The following ZNF346 variants were observed in gnomAD, a reference collection of about 807,000 sequenced individuals.
ZNF346 encodes the protein zinc finger protein 346, also known as double-stranded RNA-binding zinc finger protein JAZ.
ZNF346 carries 23 observed loss-of-function variants against 33.7 expected under a neutral mutation model. That is an observed-to-expected ratio of 0.68 (90% CI 0.49 to 0.97). The LOEUF is 0.97. Ranked by LOEUF, ZNF346 falls within the 50% of genes least tolerant of loss-of-function variation. ZNF346 has a pLI of 0.00. For missense variants in ZNF346, 340 were observed against 371.1 expected (o/e 0.92, Z 0.69); for synonymous variants, 134 against 142.4 (o/e 0.94, Z 0.42).
intron 8 of ZNF346, among the ~76,000 whole-genome samples, chr5:177,075,079 A>G (rs1348644283): frequency 1.3e-5 from 2 of 151,670 alleles, no homozygotes; most frequent in African/African-American, 4.8e-5. Flanking sequence ...CAAAAAAAAA[A>G]GAATTTTTTT....
downstream of ZNF346, among the ~76,000 whole-genome samples, chr5:177,071,256 C>G (rs918868161): frequency 6.6e-6 from 1 of 151,976 alleles, no homozygotes; most frequent in Non-Finnish European, 1.5e-5. Context: ...GAGCCCTAAG[C>G]CAGGTGTGGT....
intron 4 of ZNF346, among the ~76,000 whole-genome samples, chr5:177,046,256 G>A (rs1005216940): frequency 1.0e-4 from 15 of 146,490 alleles, no homozygotes; most frequent in Admixed American, 8.4e-4. Flanking sequence ...AGCTGAGATC[G>A]CACCATTGTA....
chr5:177,080,336 A>C (rs954340669), exon 9 of ZNF346: 2 of 152,346 alleles, frequency 1.3e-5, no homozygotes, highest in Middle Eastern at 6.8e-3. Context: ...ATAGCTGCAA[A>C]TATTCATATT....
At chr5:177,048,392 C>T (rs942157255) in intron 4 of ZNF346, among the ~76,000 whole-genome samples, 3 of 152,138 alleles carry the variant, frequency 2.0e-5, no homozygotes, top group African/African-American at 7.2e-5. Context: ...GAGGCTGAGG[C>T]GGGTGGATCA....
rs144616364 is a variant in ZNF346 at position 177,030,650 on chromosome 5, T to A, written c.175+7737T>A. ...AGCTTTATTGACGTAAATCTCACAT[T>A]CCATAAAATTCACCTGTTTAAAATG... On this transcript the variant is annotated intron_variant, in intron 1 of 6. Coordinates refer to ENST00000358149, the MANE Select transcript of ZNF346 (RefSeq NM_012279.4). 1.9e-3 allele frequency among the ~76,000 whole-genome samples: 282 copies of A among 152,052 alleles called. 2 individuals are homozygous for A. The highest frequency in any genetic ancestry group is 6.4e-3 in the African/African-American group (267 of 41,530).
chr5:177,055,056 C>CA, intron 5 of ZNF346, among the ~76,000 whole-genome samples: 1 of 135,966 alleles, frequency 7.4e-6, no homozygotes, highest in African/African-American at 2.8e-5. Context: ...TTTTTTGAGA[C>CA]AGAGTCTCAT....
At chr5:177,064,252 G>C (rs988581912) in intron 6 of ZNF346, among the ~76,000 whole-genome samples, 1 of 152,156 alleles carries the variant, frequency 6.6e-6, no homozygotes, top group Non-Finnish European at 1.5e-5. Context: ...AACATACTTC[G>C]GGCCAGCCAC....
At chr5:177,079,218 G>C (rs1783888347) in intron 8 of ZNF346, among the ~76,000 whole-genome samples, 1 of 151,544 alleles carries the variant, frequency 6.6e-6, no homozygotes, top group African/African-American at 2.4e-5. Flanking sequence ...GTTGCAGCGA[G>C]CCAAGATCAT....
rs77363291 is a variant in ZNF346, at chr5:177,039,877, G to A, written c.176-1249G>A. 5.3e-4 allele frequency among the ~76,000 whole-genome samples: 81 copies of A among 152,214 alleles called. No homozygotes were observed. In the East Asian group the frequency reaches 0.014, roughly 27 times the overall value. The stretch of plus-strand genomic sequence containing the variant: ...TCTGCCTCTGCCTCACATTGCCAGC[G>A]CCATGATAGAACTCATGCCTTGGCC... On this transcript the variant is annotated intron_variant, in intron 1 of 6. Coordinates refer to ENST00000358149, the MANE Select transcript of ZNF346 (RefSeq NM_012279.4).
chr5:177,054,287 T>G (rs1421380013), intron 5 of ZNF346, among the ~76,000 whole-genome samples: 1 of 151,992 alleles, frequency 6.6e-6, no homozygotes, highest in Admixed American at 6.6e-5. Flanking sequence ...CCCAGGCTGG[T>G]CTTGAATTCC....
chr5:177,037,584 T>C (rs1336148701), intron 1 of ZNF346, among the ~76,000 whole-genome samples: 2 of 152,250 alleles, frequency 1.3e-5, no homozygotes, highest in Admixed American at 6.5e-5. Context: ...CCACATCCAG[T>C]CTAAGAAATC....
chr5:177,030,840 A>G (rs1481706778), intron 1 of ZNF346, among the ~76,000 whole-genome samples: 2 of 150,108 alleles, frequency 1.3e-5, no homozygotes, highest in Non-Finnish European at 3.0e-5. Context: ...TATTCTGGAC[A>G]TTTCATGTAA....
intron 5 of ZNF346, among the ~76,000 whole-genome samples, chr5:177,057,812 A>G (rs200379597): frequency 8.2e-6 from 1 of 121,978 alleles, no homozygotes; most frequent in South Asian, 2.6e-4. Context: ...TTATTTATTT[A>G]TTTATTTATT....
At chr5:177,045,356 C>T (rs1360941938) in intron 4 of ZNF346, among the ~76,000 whole-genome samples, 1 of 151,778 alleles carries the variant, frequency 6.6e-6, no homozygotes, top group Non-Finnish European at 1.5e-5. Flanking sequence ...AAAAATCACT[C>T]ATAATTTTTT....
chr5:177,041,829 G>C lies in ZNF346; in HGVS notation c.331G>C (p.Glu111Gln), dbSNP rs1041830083. 1 of 1,613,784 alleles carries C rather than the reference G, an allele frequency of 6.2e-7. No individual in the cohort carries two copies. Among genetic ancestry groups the C allele is most frequent in the Non-Finnish European group, 8.5e-7 (1 of 1,179,730 alleles). ...GAGATACCTAGCAATCCATGGAATG[G>C]AGACATTAAAGGGGGAAACGAAGAA... ...VKRYLAIHGM[E>Q]TLKGETKKLD... is the part of the protein sequence containing the mutation. Residue 111 changes from glutamate (E) to glutamine (Q), a missense_variant, in exon 3 of 7, where the codon GAG becomes CAG. Physicochemically the swap from Glu to Gln is conservative, Grantham distance 29 (BLOSUM62 2). Coordinates refer to ENST00000358149, the MANE Select transcript of ZNF346 (RefSeq NM_012279.4).
rs574227064 is a variant in ZNF346, at chr5:177,023,819, C to T, written c.175+906C>T. Among the ~76,000 whole-genome samples the T allele has an allele frequency of 1.8e-4, 28 of 152,118 alleles. No homozygotes were observed. The East Asian group carries it at 5.2e-3, about 28-fold the overall frequency. On this transcript the variant is annotated intron_variant, in intron 1 of 6. Transcript: ENST00000358149. ...ATTTCTCCAGTGATTTGTTTGCTTG[C>T]TGAGCAGACTTGTCTTCGAAAGTTT...
At chr5:177,045,744 G>C (rs1779946537) in intron 4 of ZNF346, among the ~76,000 whole-genome samples, 1 of 151,880 alleles carries the variant, frequency 6.6e-6, no homozygotes, top group Non-Finnish European at 1.5e-5. Flanking sequence ...TCCCATCTCA[G>C]CTTCCCAGAG....
chr5:177,067,018 G>A lies in ZNF346; in HGVS notation c.*2419G>A, dbSNP rs1426624604. 2.0e-5 allele frequency among the ~76,000 whole-genome samples: 3 copies of A among 151,750 alleles called. No individual in the cohort carries two copies. The highest frequency in any genetic ancestry group is 6.6e-5 in the Admixed American group (1 of 15,242). On this transcript the variant is annotated 3_prime_UTR_variant, in exon 7 of 7. Coordinates refer to ENST00000358149, the MANE Select transcript of ZNF346 (RefSeq NM_012279.4). Reference sequence around the variant, plus strand: ...CGGAGGGTCGCATTGAGCCAAGATCGTGCCACTGCACTCCAGCCTAGGTGA... The same window carrying A: ...CGGAGGGTCGCATTGAGCCAAGATCATGCCACTGCACTCCAGCCTAGGTGA...
At position 177,067,890 on chromosome 5, in the gene ZNF346, C is replaced by T. The variant is rs559898218; in HGVS notation, c.*3291C>T. Among the ~76,000 whole-genome samples the T allele has an allele frequency of 6.6e-6, 1 of 152,124 alleles. No homozygotes were observed. Among genetic ancestry groups the T allele is most frequent in the South Asian group, 2.1e-4 (1 of 4,820 alleles). On this transcript the variant is annotated 3_prime_UTR_variant, in exon 7 of 7. Transcript: ENST00000358149. ...GAGGCCAAGGCGGGTGTATCACTTG[C>T]GGCCGGGAGTTTAAGACCATCCTGG...
Sources: allele counts gnomAD v4.1 joint callset (sites outside exome capture counted in the v4.1 genomes callset), GRCh38; gene constraint gnomAD v4.1.1; transcripts MANE v1.5; gene names NCBI Gene and HGNC (gene_info 2026-07-23, HGNC 2026-07-21).